The following OBI1 variants were observed in gnomAD, a reference collection of about 807,000 sequenced individuals.
The protein encoded by OBI1 is ring finger protein 219.
In OBI1, 59 loss-of-function variants were observed where a neutral mutation model predicts 62.4. The ratio of observed to expected loss-of-function variants is 0.95; its 90% CI spans 0.77 to 1.17. The LOEUF is 1.17. Among genes scored for constraint, OBI1 ranks in the 50% most tolerant of loss-of-function variants. The pLI, the probability that OBI1 is intolerant of heterozygous loss-of-function variation, is 0.00. For synonymous variants in OBI1, 302 were observed against 292.8 expected, an observed-to-expected ratio of 1.03 and a Z score of -0.32; for missense variants, 875 against 830.9, an observed-to-expected ratio of 1.05 and a Z score of -0.65.
intron 4 of OBI1, among the ~76,000 whole-genome samples, chr13:78,636,318 C>T (rs1056594944): frequency 6.6e-6 from 1 of 152,096 alleles, no homozygotes; most frequent in Non-Finnish European, 1.5e-5. Flanking sequence ...AGAAAAATAA[C>T]ACTCCCTAGA....
Position 78,616,219 on chromosome 13 carries a change from A to G in OBI1, c.1542T>C (p.Ile514=). 6.2e-7 allele frequency: 1 copy of G among 1,614,082 alleles called. No individual in the cohort carries two copies. The stretch of plus-strand genomic sequence containing the variant: ...TTGTCCGGTTCATTTCAAAAGAGCG[A>G]ATAGAATTCAACCTTTTGGATAAAC... ...GLCLSKRLNS[I]RSFEMNRTRT... Residue 514 remains isoleucine (I), a synonymous_variant, in exon 6 of 6, where the codon ATT becomes ATC. Transcript: ENST00000282003.
intron 5 of OBI1, among the ~76,000 whole-genome samples, chr13:78,633,714 AACAG>A (rs1875926039): frequency 6.6e-6 from 1 of 152,146 alleles, no homozygotes; most frequent in Non-Finnish European, 1.5e-5. Flanking sequence ...TAAAATATTG[AACAG>A]ACAAACTGTT....
At chr13:78,642,030 A>G in intron 3 of OBI1, 92 bp downstream of exon 3, 6 of 556,394 alleles carry the variant, frequency 1.1e-5, no homozygotes, top group Non-Finnish European at 1.9e-5. Context: ...ATTTCATTGG[A>G]TATTTACTCT....
At chr13:78,626,894 A>G (rs1489354068) in intron 5 of OBI1, among the ~76,000 whole-genome samples, 4 of 152,042 alleles carry the variant, frequency 2.6e-5, no homozygotes, top group African/African-American at 4.8e-5. Context: ...GTGAAACCCC[A>G]TCTCTACTAA....
intron 1 of OBI1, among the ~76,000 whole-genome samples, chr13:78,658,410 CAAAG>C (rs1022423142): frequency 1.3e-5 from 2 of 152,172 alleles, no homozygotes; most frequent in African/African-American, 4.8e-5. Flanking sequence ...TCTTGCATCA[CAAAG>C]AGAGAGTATT....
At position 78,615,508 on chromosome 13, in the gene OBI1, G is replaced by A. The variant is rs41288264; in HGVS notation, c.*72C>T. On this transcript the variant is annotated 3_prime_UTR_variant, in exon 6 of 6. Transcript: ENST00000282003. ...TCCAATTTGTATAGAACTTTTATGA[G>A]GAAAAAAGGTAACTTTAACAACTTT... The A allele has an allele frequency of 1.4e-5, 16 of 1,145,114 alleles. No homozygotes were observed. The highest frequency in any genetic ancestry group is 2.4e-5 in the East Asian group (1 of 42,512). The allele number at this position is 1,145,114 out of a possible 1,614,324, so 70.9% of individuals were successfully genotyped here. A position where few individuals can be genotyped will look rare whatever the true frequency, so the allele number is the denominator to read the frequency against.
chr13:78,645,245 A>G (rs1273430514), intron 1 of OBI1, among the ~76,000 whole-genome samples: 2 of 152,060 alleles, frequency 1.3e-5, no homozygotes, highest in African/African-American at 4.8e-5. Flanking sequence ...TTTATTTTGT[A>G]CCTAAACCAC....
At chr13:78,634,172 T>C (rs565024848) in intron 5 of OBI1, among the ~76,000 whole-genome samples, 1 of 151,258 alleles carries the variant, frequency 6.6e-6, no homozygotes, top group African/African-American at 2.4e-5. Flanking sequence ...CTTAATTGTA[T>C]AGTTTTAAAT....
At chr13:78,622,778 G>A (rs1193741881) in intron 5 of OBI1, among the ~76,000 whole-genome samples, 1 of 152,120 alleles carries the variant, frequency 6.6e-6, no homozygotes, top group Admixed American at 6.6e-5. Context: ...AGTTTTGACA[G>A]AAGTGAGAAG....
chr13:78,647,921 T>C (rs1876432122), intron 1 of OBI1, among the ~76,000 whole-genome samples: 2 of 152,280 alleles, frequency 1.3e-5, no homozygotes, highest in South Asian at 4.2e-4. Context: ...TGGAATAGAT[T>C]TAAACTTCTT....
rs1875270311 is a variant in OBI1 at position 78,616,064 on chromosome 13, C to A, written c.1697G>T (p.Gly566Val). ...ACTGCCTTGAGATGACTTTGATAACCCATCCAAATCCAGTGACTTAAAACC... is the reference window on the plus strand; with the variant it reads ...ACTGCCTTGAGATGACTTTGATAACACATCCAAATCCAGTGACTTAAAACC... ...NNGFKSLDLD[G>V]LSKSSQGSEF... Residue 566 changes from glycine (G) to valine (V), a missense_variant, in exon 6 of 6, where the codon GGG (glycine) becomes GTG (valine). Gly to Val is a moderately radical substitution (Grantham distance 109, BLOSUM62 -3). Transcript: ENST00000282003. The A allele has an allele frequency of 3.1e-6, 5 of 1,614,058 alleles. No individual in the cohort carries two copies. Among genetic ancestry groups the A allele is most frequent in the Non-Finnish European group, 4.2e-6 (5 of 1,180,000 alleles).
At chr13:78,639,216 G>T in intron 3 of OBI1, 145 bp from the exon 4 acceptor site, 2 of 786,530 alleles carry the variant, frequency 2.5e-6, no homozygotes, top group Non-Finnish European at 3.7e-6. Context: ...GAGTTTTGCA[G>T]GGAGAAAGTC....
chr13:78,635,970 C>T (rs1473976901), intron 4 of OBI1, among the ~76,000 whole-genome samples: 1 of 152,106 alleles, frequency 6.6e-6, no homozygotes, highest in Non-Finnish European at 1.5e-5. Context: ...GCCACAGTGG[C>T]CAGGCTGGTC....
chr13:78,617,886 G>C (rs1407610545), intron 5 of OBI1, among the ~76,000 whole-genome samples: 1 of 151,930 alleles, frequency 6.6e-6, no homozygotes, highest in Non-Finnish European at 1.5e-5. Flanking sequence ...TTTGGAGAGT[G>C]ACTGAAAAAG....
chr13:78,649,940 G>A (rs988133689), intron 1 of OBI1, among the ~76,000 whole-genome samples: 4 of 152,212 alleles, frequency 2.6e-5, no homozygotes, highest in African/African-American at 9.6e-5. Context: ...CTGAAAACGA[G>A]AAGGGAAGTG....
intron 1 of OBI1, among the ~76,000 whole-genome samples, chr13:78,651,454 A>G (rs144416441): frequency 4.6e-5 from 7 of 152,280 alleles, no homozygotes; most frequent in Non-Finnish European, 7.4e-5. Flanking sequence ...TACCATTTCA[A>G]TATTTGACAC....
chr13:78,644,970 T>G lies in OBI1; in HGVS notation c.100A>C (p.Asn34His). The change falls in exon 2 of 6, where the codon AAC becomes CAC. Residue 34 changes from asparagine to histidine, a missense_variant. Coordinates refer to ENST00000282003, the MANE Select transcript of OBI1 (RefSeq NM_024546.4). ...ATACAAATCGAACAAAATACATGGT[T>G]GTTGATGCATATGACAGGCTGACGT... ...KVRQPVICIN[N>H]HVFCSICIDL... The G allele has an allele frequency of 1.9e-6, 3 of 1,613,628 alleles. No individual in the cohort carries two copies. The highest frequency in any genetic ancestry group is 2.5e-6 in the Non-Finnish European group (3 of 1,179,764).
At chr13:78,647,476 TC>T (rs2137463784) in intron 1 of OBI1, among the ~76,000 whole-genome samples, 1 of 152,358 alleles carries the variant, frequency 6.6e-6, no homozygotes, top group African/African-American at 2.4e-5. Flanking sequence ...TACGTGCACA[TC>T]CGGGCACAGT....
chr13:78,623,225 T>C lies in OBI1; in HGVS notation c.639-6103A>G, dbSNP rs115861238. Among the ~76,000 whole-genome samples the C allele has an allele frequency of 5.6e-3, 851 of 150,876 alleles. 3 individuals are homozygous for C. Among genetic ancestry groups the C allele is most frequent in the African/African-American group, 0.019 (781 of 40,928 alleles). On this transcript the variant is annotated intron_variant, in intron 5 of 5. Coordinates refer to ENST00000282003, the MANE Select transcript of OBI1 (RefSeq NM_024546.4). ...TATGGTCAATCCTAGTCACACGCGT[T>C]GGTTCCACAAAAATGTTAAATGAGA...
Sources: allele counts gnomAD v4.1 joint callset (sites outside exome capture counted in the v4.1 genomes callset), GRCh38; gene constraint gnomAD v4.1.1; transcripts MANE v1.5; gene names NCBI Gene and HGNC (gene_info 2026-07-23, HGNC 2026-07-21).